WHRN: variants seen among roughly 807,000 people sequenced by gnomAD.
The protein encoded by WHRN is CASK-interacting protein CIP98.
In WHRN, 41 loss-of-function variants were observed where a neutral mutation model predicts 68.3. The ratio of observed to expected loss-of-function variants is 0.60; its 90% CI spans 0.47 to 0.78. The LOEUF (loss-of-function observed/expected upper bound fraction) is 0.78, where lower values mean the gene tolerates loss of function less well. WHRN is among the 30% of genes least tolerant of loss of function. The probability of loss-of-function intolerance (pLI) is 0.00; values close to 1 mark genes in which losing one functional copy is unlikely to be tolerated. For missense variants in WHRN, 1,243 were observed against 1,244.7 expected, an observed-to-expected ratio of 1.00 and a Z score of 0.02; for synonymous variants, 560 against 561.3, an observed-to-expected ratio of 1.00 and a Z score of 0.03.
rs539729467 is a variant in WHRN, at chr9:114,497,215, G to C, written c.618+6969C>G. ...CTGTTTATGGAAGGCTGATATATTTGCTTTGCATACAGAGTTGAGAGGATG... is the reference window on the plus strand; with the variant it reads ...CTGTTTATGGAAGGCTGATATATTTCCTTTGCATACAGAGTTGAGAGGATG... On this transcript the variant is annotated intron_variant, in intron 1 of 11. Transcript: ENST00000362057. Among the ~76,000 whole-genome samples, 54 of 152,134 alleles carry C rather than the reference G, an allele frequency of 3.5e-4. 1 individual carries two copies. Among genetic ancestry groups the C allele is most frequent in the Non-Finnish European group, 6.2e-4 (42 of 68,032 alleles).
chr9:114,429,234 G>A (rs1281438483), intron 3 of WHRN, among the ~76,000 whole-genome samples: 1 of 152,168 alleles, frequency 6.6e-6, no homozygotes, highest in African/African-American at 2.4e-5. Context: ...CCCCGCCAGT[G>A]TCAGATTAAT....
intron 2 of WHRN, among the ~76,000 whole-genome samples, chr9:114,466,860 G>T (rs1431675078): frequency 6.6e-6 from 1 of 152,008 alleles, no homozygotes; most frequent in African/African-American, 2.4e-5. Context: ...TGCTTCCCCA[G>T]GGGTCTCCTG....
chr9:114,483,431 A>T (rs932937517), intron 1 of WHRN, among the ~76,000 whole-genome samples: 1 of 152,202 alleles, frequency 6.6e-6, no homozygotes, highest in African/African-American at 2.4e-5. Context: ...TTTAACGGGC[A>T]TCATTCAACA....
intron 1 of WHRN, among the ~76,000 whole-genome samples, chr9:114,501,694 G>T (rs146656844): frequency 1.8e-4 from 27 of 152,062 alleles, no homozygotes; most frequent in African/African-American, 6.5e-4. Context: ...TCTACTAAAT[G>T]CAATGTGGTA....
chr9:114,450,647 T>A (rs1158788558), intron 3 of WHRN, among the ~76,000 whole-genome samples: 2 of 152,150 alleles, frequency 1.3e-5, no homozygotes, highest in African/African-American at 4.8e-5. Flanking sequence ...TCTGGCTACA[T>A]CTTCACCATG....
rs756466784 is a variant in WHRN at position 114,402,857 on chromosome 9, C to G, written c.2621G>C (p.Gly874Ala). The G allele has an allele frequency of 6.8e-6, 11 of 1,613,968 alleles. No homozygotes were observed. The South Asian group carries it at 1.2e-4, about 18-fold the overall frequency. ...GCGGGCGGCCTCCCGGTGCTCCTTG[C>G]CCCGAAGCGTCAGCCCATTCACTTC... ...ILEVNGLTLR[G>A]KEHREAARII... The change falls in exon 12 of 12, where the codon GGC becomes GCC. Residue 874 changes from glycine (G) to alanine (A), a missense_variant. Physicochemically the swap from Gly to Ala is moderately conservative, Grantham distance 60. Transcript: ENST00000362057.
intron 3 of WHRN, among the ~76,000 whole-genome samples, chr9:114,427,285 T>C (rs929687989): frequency 3.3e-5 from 5 of 152,158 alleles, no homozygotes; most frequent in South Asian, 2.1e-4. Flanking sequence ...AATGAAGGAA[T>C]GTAAAAACAG....
chr9:114,436,869 C>T (rs933413131), intron 3 of WHRN, among the ~76,000 whole-genome samples: 9 of 151,642 alleles, frequency 5.9e-5, no homozygotes, highest in Non-Finnish European at 1.3e-4. Context: ...AATTTTAAAA[C>T]ATAAAATAAT....
In WHRN at chr9:114,504,499, G is replaced by A. The variant is rs754437435; in HGVS notation, c.303C>T (p.Ser101=). The stretch of plus-strand genomic sequence containing the variant: ...TGTATTGGTCGAAGAGCAGCTGGTC[G>A]GAGCGCGGGATGACCAGACGAAGCA... The part of the protein sequence containing the change: ...LPMLRLVIPR[S]DQLLFDQYTA... The change falls in exon 1 of 12, where the codon TCC becomes TCT. Residue 101 remains serine, a synonymous_variant. Coordinates refer to ENST00000362057, the MANE Select transcript of WHRN (RefSeq NM_015404.4). The A allele has an allele frequency of 4.4e-6, 7 of 1,609,016 alleles. No homozygotes were observed. The highest frequency in any genetic ancestry group is 5.9e-6 in the Non-Finnish European group (7 of 1,179,800).
chr9:114,406,530 C>CG lies in WHRN; in HGVS notation c.2060dup (p.His688AlafsTer50). The CG allele has an allele frequency of 6.2e-7, 1 of 1,613,608 alleles. No individual in the cohort carries two copies. The highest frequency in any genetic ancestry group is 8.5e-7 in the Non-Finnish European group (1 of 1,179,800). ...CCTCTGCAGAGGGGCTTTTCAGGTG[C>CG]GGGGGTGACTGGACCCGTGGGAAGG... is the stretch of plus-strand genomic sequence containing the variant. On this transcript the variant is annotated frameshift_variant, in exon 9 of 12. Transcript: ENST00000362057. LOFTEE classifies it high-confidence loss of function.
rs771186567 is a variant in WHRN at position 114,478,514 on chromosome 9, G to A, written c.837+39C>T. The A allele has an allele frequency of 1.7e-5, 27 of 1,607,124 alleles. No homozygotes were observed. The South Asian group carries it at 2.7e-4, about 16-fold the overall frequency. On this transcript the variant is annotated intron_variant, in intron 2 of 11. Transcript: ENST00000362057. ...GTTCTGGGTTCGGAGGGAGAATACG[G>A]TGTCTGAGAGGCTGGCCTCCTTTCC...
chr9:114,457,631 G>C (rs1018994362), intron 3 of WHRN, among the ~76,000 whole-genome samples: 1 of 152,116 alleles, frequency 6.6e-6, no homozygotes, highest in Non-Finnish European at 1.5e-5. Context: ...GTAGGCATCA[G>C]TTGGCCAGGC....
chr9:114,428,736 C>A (rs1837116475), intron 3 of WHRN, among the ~76,000 whole-genome samples: 1 of 152,134 alleles, frequency 6.6e-6, no homozygotes, highest in Non-Finnish European at 1.5e-5. Context: ...CCTGCAGCAG[C>A]CAGATCTGAA....
chr9:114,477,733 G>C (rs541865917), intron 2 of WHRN, among the ~76,000 whole-genome samples: 33 of 152,260 alleles, frequency 2.2e-4, no homozygotes, highest in African/African-American at 7.5e-4. Flanking sequence ...TCAATTCTGG[G>C]ACTGCCCCTG....
rs1032060418 is a variant in WHRN at position 114,403,189 on chromosome 9, A to G, written c.2541+28T>C. 4.3e-6 allele frequency: 7 copies of G among 1,613,662 alleles called. No homozygotes were observed. The African/African-American group carries it at 8.0e-5, about 18-fold the overall frequency. On this transcript the variant is annotated intron_variant, in intron 11 of 11. Coordinates refer to ENST00000362057, the MANE Select transcript of WHRN (RefSeq NM_015404.4). ...AAGGGCCTTTCAGGGGTAGGGAGAGATGGCAAGTGGGGCCCCTGGGGACAT... is the reference window on the plus strand; with the variant it reads ...AAGGGCCTTTCAGGGGTAGGGAGAGGTGGCAAGTGGGGCCCCTGGGGACAT...
At chr9:114,502,915 G>T (rs1844054119) in intron 1 of WHRN, among the ~76,000 whole-genome samples, 1 of 152,206 alleles carries the variant, frequency 6.6e-6, no homozygotes, top group African/African-American at 2.4e-5. Flanking sequence ...AAGAGGAATT[G>T]TTGCATGGAA....
intron 3 of WHRN, among the ~76,000 whole-genome samples, chr9:114,450,325 G>A (rs1166679936): frequency 3.3e-5 from 5 of 152,206 alleles, no homozygotes; most frequent in Non-Finnish European, 5.9e-5. Flanking sequence ...CAGGGCTGGA[G>A]TGCCAAAGAG....
intron 3 of WHRN, among the ~76,000 whole-genome samples, chr9:114,433,272 C>T (rs557037362): frequency 1.6e-4 from 25 of 152,328 alleles, no homozygotes; most frequent in African/African-American, 4.3e-4. Flanking sequence ...GCAGTAGCTT[C>T]GAGCTCCCTC....
At chr9:114,495,032 C>T (rs1226302654) in intron 1 of WHRN, among the ~76,000 whole-genome samples, 2 of 152,094 alleles carry the variant, frequency 1.3e-5, no homozygotes, top group South Asian at 2.1e-4. Flanking sequence ...TGAGGTTGCA[C>T]CTAACAGGAT....
Sources: allele counts gnomAD v4.1 joint callset (sites outside exome capture counted in the v4.1 genomes callset), GRCh38; gene constraint gnomAD v4.1.1; transcripts MANE v1.5; gene names NCBI Gene and HGNC (gene_info 2026-07-23, HGNC 2026-07-21).